STAG2: variants seen among roughly 807,000 people sequenced by gnomAD.
STAG2 encodes the protein STAG2 cohesin complex component, also known as cohesin subunit SA-2.
Under a neutral mutation model 108.1 loss-of-function variants are expected in STAG2, and 14 were observed. The ratio of observed to expected loss-of-function variants is 0.13; its 90% CI spans 0.09 to 0.20. The LOEUF (loss-of-function observed/expected upper bound fraction) is 0.20. Among genes scored for constraint, STAG2 ranks in the 10% least tolerant of loss-of-function variants. The pLI, the probability that STAG2 is intolerant of heterozygous loss-of-function variation, is 1.00. For synonymous variants in STAG2, 307 were observed against 302.7 expected, an observed-to-expected ratio of 1.01 and a Z score of -0.15; for missense variants, 440 against 940.9, an observed-to-expected ratio of 0.47 and a Z score of 6.96.
rs754339302 is a variant in STAG2 at position 124,063,886 on chromosome X, A to G, written c.1860A>G (p.Val620=). The change falls in exon 20 of 35, where the codon GTA becomes GTG. Residue 620 remains valine, a synonymous_variant. Transcript: ENST00000371145. ...TATTGCGACAGATCCGGAATATTGT[A>G]GAGAAGCACACAGATACAGATGTTT... ...DALLRQIRNI[V]EKHTDTDVLE... The G allele has an allele frequency of 4.1e-5, 49 of 1,209,125 alleles. No homozygotes were observed. In the Admixed American group the frequency reaches 1.1e-3, roughly 26 times the overall value.
chrX:124,092,048 G>A (rs1036677299), intron 32 of STAG2, among the ~76,000 whole-genome samples: 15 of 111,805 alleles, frequency 1.3e-4, no homozygotes, highest in African/African-American at 4.9e-4. Context: ...TATTTATAAT[G>A]TGGTATATGT....
At chrX:124,088,718 G>A (rs1024997946) in intron 30 of STAG2, among the ~76,000 whole-genome samples, 2 of 104,341 alleles carry the variant, frequency 1.9e-5, no homozygotes, top group Admixed American at 1.1e-4. Flanking sequence ...TTGTTCAAGC[G>A]ATTCTCCTGC....
At chrX:124,030,591 C>T (rs1171577499) in intron 4 of STAG2, among the ~76,000 whole-genome samples, 1 of 111,801 alleles carries the variant, frequency 8.9e-6, no homozygotes. Context: ...ATTATCGCAG[C>T]AACCCTATGG....
intron 1 of STAG2, among the ~76,000 whole-genome samples, chrX:124,010,086 C>T (rs1448672160): frequency 9.0e-6 from 1 of 111,261 alleles, no homozygotes; most frequent in Non-Finnish European, 1.9e-5. Context: ...TGAGTTTATA[C>T]CATATGAGAG....
chrX:124,008,349 G>A (rs1348742391), intron 1 of STAG2, among the ~76,000 whole-genome samples: 1 of 108,817 alleles, frequency 9.2e-6, no homozygotes, highest in African/African-American at 3.4e-5. Context: ...GAGTTGCTGG[G>A]ATTACAGGCA....
chrX:124,093,973 T>C, intron 32 of STAG2, 45 bp from the exon 33 acceptor site: 7 of 1,199,015 alleles, frequency 5.8e-6, no homozygotes, highest in Non-Finnish European at 7.9e-6. Flanking sequence ...ATATTAATAG[T>C]CACGACATTA....
At chrX:124,098,429 C>T (rs1464614442) in intron 34 of STAG2, among the ~76,000 whole-genome samples, 1 of 111,274 alleles carries the variant, frequency 9.0e-6, no homozygotes, top group Non-Finnish European at 1.9e-5. Context: ...TCCATACTGT[C>T]TTAACCATAA....
At chrX:124,095,052 C>T (rs755185847) in intron 33 of STAG2, among the ~76,000 whole-genome samples, 6 of 110,642 alleles carry the variant, frequency 5.4e-5, no homozygotes, top group Admixed American at 1.9e-4. Context: ...CTCAGCCTCC[C>T]GAGTAGCTGG....
intron 9 of STAG2, among the ~76,000 whole-genome samples, chrX:124,047,807 A>C (rs187563871): frequency 1.3e-4 from 15 of 111,873 alleles, no homozygotes; most frequent in Admixed American, 3.8e-4. Context: ...TTTTGTCAGG[A>C]TGAAAAGAGA....
chrX:123,980,952 A>G (rs1176307385), intron 1 of STAG2, among the ~76,000 whole-genome samples: 1 of 111,051 alleles, frequency 9.0e-6, no homozygotes, highest in Non-Finnish European at 1.9e-5. Context: ...GTAGGCAACT[A>G]CTTTAGTTTC....
chrX:124,031,346 CTTAT>C (rs1042141683), intron 5 of STAG2, among the ~76,000 whole-genome samples: 1 of 109,508 alleles, frequency 9.1e-6, no homozygotes, highest in African/African-American at 3.3e-5. Flanking sequence ...TTTCTTTTTT[CTTAT>C]TTATTTTATT....
rs1433906443 is a variant in STAG2 at position 124,045,181 on chromosome X, A to G, written c.480A>G (p.Pro160=). 8.3e-7 allele frequency: 1 copy of G among 1,211,007 alleles called. No homozygotes were observed. The highest frequency in any genetic ancestry group is 2.2e-5 in the Admixed American group (1 of 46,029). The change falls in exon 8 of 35, where the codon CCA becomes CCG. Residue 160 remains proline, a synonymous_variant. Transcript: ENST00000371145. Reference sequence around the variant, plus strand: ...TGTTTTAGGATAGTGGAGATTATCCACTTACCATGGCTGGTCCTCAGTGGA... The same window carrying G: ...TGTTTTAGGATAGTGGAGATTATCCGCTTACCATGGCTGGTCCTCAGTGGA... ...EEFDEDSGDY[P]LTMAGPQWKK...
intron 15 of STAG2, among the ~76,000 whole-genome samples, 196 bp downstream of exon 15, chrX:124,058,173 T>C (rs1189315936): frequency 9.8e-6 from 1 of 102,272 alleles, no homozygotes; most frequent in Non-Finnish European, 2.0e-5. Flanking sequence ...TTTTTTTTTT[T>C]TTGAGACGGA....
chrX:123,979,080 C>A (rs935687513), intron 1 of STAG2, among the ~76,000 whole-genome samples: 1 of 111,375 alleles, frequency 9.0e-6, no homozygotes, highest in Non-Finnish European at 1.9e-5. Flanking sequence ...GATGAGAAAA[C>A]TGAACCTAAA....
intron 1 of STAG2, among the ~76,000 whole-genome samples, chrX:124,006,842 T>C (rs781555608): frequency 1.4e-4 from 16 of 111,801 alleles, no homozygotes; most frequent in African/African-American, 5.2e-4. Context: ...GTTTTAAAAG[T>C]TTGTTTGCTA....
At position 124,102,566 on chromosome X, in the gene STAG2, A is replaced by G. The variant is rs989735036; in HGVS notation, c.*1969A>G. 1.4e-5 allele frequency: 2 copies of G among 147,713 alleles called. No homozygotes were observed. The allele number at this position is 147,713 out of a possible 1,213,427, so 12.2% of individuals were successfully genotyped here. A position where few individuals can be genotyped will look rare whatever the true frequency, so the allele number is the denominator to read the frequency against. On this transcript the variant is annotated 3_prime_UTR_variant, in exon 35 of 35. Coordinates refer to ENST00000371145, the MANE Select transcript of STAG2 (RefSeq NM_001042750.2). The stretch of plus-strand genomic sequence containing the variant: ...ATAAATGGTTTGCAAATTTATATCT[A>G]TTATCACATCTTTTAATGTGTTTGG...
chrX:124,011,999 T>C (rs1365622851), intron 1 of STAG2, among the ~76,000 whole-genome samples: 1 of 111,628 alleles, frequency 9.0e-6, no homozygotes, highest in East Asian at 2.8e-4. Context: ...TTTTTTATAG[T>C]GAAAGGGTGT....
chrX:123,964,460 C>T (rs1182511340), intron 1 of STAG2, among the ~76,000 whole-genome samples: 1 of 111,420 alleles, frequency 9.0e-6, no homozygotes, highest in Non-Finnish European at 1.9e-5. Context: ...TACAGTGAGT[C>T]AGTATGAAAG....
chrX:124,093,534 A>G (rs1393047079), intron 32 of STAG2, among the ~76,000 whole-genome samples: 1 of 100,546 alleles, frequency 9.9e-6, no homozygotes, highest in African/African-American at 3.8e-5. Context: ...CGTAGTAGGC[A>G]TTGTGTGAGT....
Sources: gnomAD v4.1 joint callset for allele counts (sites outside exome capture counted in the v4.1 genomes callset) on GRCh38, gnomAD v4.1.1 for gene constraint, MANE v1.5 for transcripts, NCBI Gene and HGNC (gene_info 2026-07-23, HGNC 2026-07-21) for gene names.